PDE2A: variants seen among roughly 807,000 people sequenced by gnomAD.
The protein encoded by PDE2A is phosphodiesterase 2A, also known as cGMP-dependent 3',5'-cyclic phosphodiesterase.
In PDE2A, 53 loss-of-function variants were observed where a neutral mutation model predicts 133.6. The ratio of observed to expected loss-of-function variants is 0.40; its 90% CI spans 0.32 to 0.50. The LOEUF is 0.50. PDE2A is among the 20% of genes least tolerant of loss of function. PDE2A has a pLI of 0.73. For synonymous variants in PDE2A, 491 were observed against 490.2 expected, an observed-to-expected ratio of 1.00 and a Z score of -0.02; for missense variants, 796 against 1,232.4, an observed-to-expected ratio of 0.65 and a Z score of 5.30.
chr11:72,663,347 G>A (rs1296070586), intron 1 of PDE2A, among the ~76,000 whole-genome samples: 5 of 152,308 alleles, frequency 3.3e-5, no homozygotes, highest in African/African-American at 1.2e-4. Flanking sequence ...GATACAGAGC[G>A]CGGTGATCAC....
At position 72,584,594 on chromosome 11, in the gene PDE2A, G is replaced by A. The variant is rs781352480; in HGVS notation, c.1494C>T (p.Arg498=). The A allele has an allele frequency of 6.2e-7, 1 of 1,612,316 alleles. No individual in the cohort carries two copies. The highest frequency in any genetic ancestry group is 1.3e-5 in the African/African-American group (1 of 74,936). ...YRGVDDSTGF[R]TRNILCFPIK... is the part of the protein sequence containing the mutation. ...TGGGGAAGCAGAGGATGTTGCGCGT[G>A]CGGAAGCCGGTGCTGTCGTCCACGC... is the stretch of plus-strand genomic sequence containing the variant. Residue 498 remains arginine, a synonymous_variant, in exon 18 of 31, where the codon CGC becomes CGT. Transcript: ENST00000334456.
chr11:72,586,232 T>C (rs1565152274), intron 13 of PDE2A, 51 bp from the exon 14 acceptor site: 1 of 1,044,944 alleles, frequency 9.6e-7, no homozygotes, highest in East Asian at 2.5e-5. Context: ...CTGGCTTCTC[T>C]CCCCACTCTC....
intron 3 of PDE2A, among the ~76,000 whole-genome samples, chr11:72,607,865 GC>G (rs1009313645): frequency 1.3e-5 from 2 of 152,148 alleles, no homozygotes; most frequent in African/African-American, 4.8e-5. Flanking sequence ...AGTCTTCCAT[GC>G]CCCTTAGGCT....
intron 1 of PDE2A, among the ~76,000 whole-genome samples, chr11:72,649,942 A>G (rs61895588): frequency 0.17 from 25,055 of 150,374 alleles, 2,214 homozygotes; most frequent in South Asian, 0.23. Flanking sequence ...TTCTCAGCCT[A>G]CCCCAGGGAC....
intron 2 of PDE2A, among the ~76,000 whole-genome samples, chr11:72,614,877 G>A (rs1013260844): frequency 6.6e-6 from 1 of 152,114 alleles, no homozygotes; most frequent in African/African-American, 2.4e-5. Context: ...GGGAGATATG[G>A]ATAACAAGGC....
intron 2 of PDE2A, among the ~76,000 whole-genome samples, chr11:72,612,275 C>CCA (rs55775130): frequency 0.042 from 5,274 of 124,126 alleles, 94 homozygotes; most frequent in Non-Finnish European, 0.053. Flanking sequence ...CACATCACAT[C>CCA]CACACACACA....
At chr11:72,616,688 C>T (rs11235549) in intron 2 of PDE2A, among the ~76,000 whole-genome samples, 2,611 of 152,330 alleles carry the variant, frequency 0.017, 80 homozygotes, top group African/African-American at 0.06. Context: ...TACTGAGAGC[C>T]TTTGGCAACC....
intron 24 of PDE2A, 127 bp from the exon 25 acceptor site, chr11:72,580,751 C>G: frequency 1.0e-6 from 1 of 984,860 alleles, no homozygotes; most frequent in Non-Finnish European, 1.6e-6. Context: ...CAGGGGCAAA[C>G]CCTGGGGGAA....
chr11:72,667,300 G>A (rs1367830679), intron 1 of PDE2A, among the ~76,000 whole-genome samples: 3 of 152,082 alleles, frequency 2.0e-5, no homozygotes, highest in Non-Finnish European at 4.4e-5. Flanking sequence ...TATCAAGCAA[G>A]TCATGACCCA....
At chr11:72,640,303 C>T (rs1245029217) in intron 2 of PDE2A, among the ~76,000 whole-genome samples, 1 of 152,032 alleles carries the variant, frequency 6.6e-6, no homozygotes, top group Non-Finnish European at 1.5e-5. Context: ...ATGTGCACAC[C>T]TAATGTCACA....
intron 1 of PDE2A, among the ~76,000 whole-genome samples, chr11:72,656,328 A>G (rs903122719): frequency 3.3e-5 from 5 of 152,194 alleles, no homozygotes; most frequent in African/African-American, 9.6e-5. Flanking sequence ...AGCAGGCCCA[A>G]TATCAGGCCC....
intron 2 of PDE2A, among the ~76,000 whole-genome samples, chr11:72,620,658 C>A (rs1857714109): frequency 6.6e-6 from 1 of 152,166 alleles, no homozygotes; most frequent in Non-Finnish European, 1.5e-5. Context: ...TCCACCCCCA[C>A]CCTCCCGACC....
Position 72,672,401 on chromosome 11 carries a change from G to A in PDE2A, c.71+1736C>T, listed in dbSNP as rs532546588. Among the ~76,000 whole-genome samples the A allele has an allele frequency of 2.0e-5, 3 of 152,236 alleles. No homozygotes were observed. The South Asian group carries it at 6.2e-4, about 32-fold the overall frequency. On this transcript the variant is annotated intron_variant, in intron 1 of 30. Transcript: ENST00000334456. Reference sequence around the variant, plus strand: ...GGGTTTCACCATGTTGGCCAGTCTCGTCTCAAACTCCTGGCCTCAAGTGAT... The same window carrying A: ...GGGTTTCACCATGTTGGCCAGTCTCATCTCAAACTCCTGGCCTCAAGTGAT...
intron 1 of PDE2A, among the ~76,000 whole-genome samples, chr11:72,644,381 C>A (rs1380092367): frequency 1.3e-5 from 2 of 152,228 alleles, no homozygotes; most frequent in Non-Finnish European, 2.9e-5. Context: ...CCCACAGGGC[C>A]TCCCTTCCTA....
chr11:72,660,057 C>T (rs1168052666), intron 1 of PDE2A, among the ~76,000 whole-genome samples: 1 of 152,182 alleles, frequency 6.6e-6, no homozygotes, highest in East Asian at 1.9e-4. Flanking sequence ...TTCTCACACT[C>T]CTATAAGAAG....
intron 1 of PDE2A, among the ~76,000 whole-genome samples, chr11:72,664,349 C>T (rs962589014): frequency 6.9e-6 from 1 of 145,842 alleles, no homozygotes; most frequent in Non-Finnish European, 1.5e-5. Context: ...CAAAATAGGG[C>T]TAGCCCCTTG....
chr11:72,581,587 C>T (rs399874), intron 22 of PDE2A, 108 bp from the exon 23 acceptor site: 2 of 1,237,924 alleles, frequency 1.6e-6, no homozygotes, highest in Admixed American at 4.7e-5. Flanking sequence ...CCCTCCACAG[C>T]CTTCCTTGAT....
intron 1 of PDE2A, among the ~76,000 whole-genome samples, chr11:72,657,182 C>T (rs867707857): frequency 6.6e-6 from 1 of 152,166 alleles, no homozygotes; most frequent in African/African-American, 2.4e-5. Context: ...TCCCCACACA[C>T]CTTCCCTGAG....
intron 1 of PDE2A, among the ~76,000 whole-genome samples, chr11:72,655,205 G>A (rs568201273): frequency 5.7e-4 from 87 of 152,276 alleles, no homozygotes; most frequent in African/African-American, 2.0e-3. Flanking sequence ...GACCCGTGGC[G>A]CCACACTCCC....
Sources: gnomAD v4.1 joint callset for allele counts (sites outside exome capture counted in the v4.1 genomes callset) on GRCh38, gnomAD v4.1.1 for gene constraint, MANE v1.5 for transcripts, NCBI Gene and HGNC (gene_info 2026-07-23, HGNC 2026-07-21) for gene names.